PGAP2: variants seen among roughly 807,000 people sequenced by gnomAD.
PGAP2 encodes acyltransferase PGAP2.
A neutral mutation model predicts 33.2 loss-of-function variants in PGAP2; 21 were observed. That is an observed-to-expected ratio of 0.63 (90% confidence interval 0.45 to 0.91). The LOEUF (loss-of-function observed/expected upper bound fraction) is 0.91. Ranked by LOEUF, PGAP2 falls within the 40% of genes least tolerant of loss-of-function variation. The pLI, the probability that PGAP2 is intolerant of heterozygous loss-of-function variation, is 0.00. For synonymous variants in PGAP2, 161 were observed against 172.9 expected, an observed-to-expected ratio of 0.93 and a Z score of 0.54; for missense variants, 345 against 424.0, an observed-to-expected ratio of 0.81 and a Z score of 1.64.
intron 2 of PGAP2, among the ~76,000 whole-genome samples, chr11:3,816,026 C>A (rs1565019587): frequency 1.3e-5 from 2 of 152,210 alleles, no homozygotes; most frequent in African/African-American, 2.4e-5. Context: ...GAAGCTACTG[C>A]CAGCTGACCT....
rs772998600 is a variant in PGAP2 at position 3,817,506 on chromosome 11, T to C, written c.319T>C (p.Phe107Leu). The C allele has an allele frequency of 3.7e-6, 6 of 1,614,180 alleles. No individual in the cohort carries two copies. Among genetic ancestry groups the C allele is most frequent in the South Asian group, 1.1e-5 (1 of 91,086 alleles). Residue 107 changes from phenylalanine (F) to leucine (L), a missense_variant, in exon 3 of 7, where the codon TTT (phenylalanine) becomes CTT (leucine). Phe to Leu is a conservative substitution (Grantham distance 22, BLOSUM62 0). Transcript: ENST00000278243. ...CATCATCTGGTCCCTGGTGTTCCACTTTGAGTACACGGTGGCCACTGACTG... is the reference window on the plus strand; with the variant it reads ...CATCATCTGGTCCCTGGTGTTCCACCTTGAGTACACGGTGGCCACTGACTG... ...FCIIWSLVFH[F>L]EYTVATDCGV...
At chr11:3,814,812 CT>C in intron 2 of PGAP2, among the ~76,000 whole-genome samples, 1 of 97,506 alleles carries the variant, frequency 1.0e-5, no homozygotes, top group Admixed American at 1.1e-4. Flanking sequence ...TTCTTTCTTT[CT>C]CTTTCTTTCT....
At chr11:3,812,723 G>A (rs1397218315) in intron 2 of PGAP2, among the ~76,000 whole-genome samples, 1 of 152,228 alleles carries the variant, frequency 6.6e-6, no homozygotes, top group South Asian at 2.1e-4. Context: ...CTGCTTCAGA[G>A]AAATGGCTAG....
rs2083618008 is a variant in PGAP2 at position 3,802,634 on chromosome 11, G to A, written c.139+4652G>A. Among the ~76,000 whole-genome samples the A allele has an allele frequency of 2.0e-5, 3 of 152,120 alleles. No individual in the cohort carries two copies. In the South Asian group the frequency reaches 6.2e-4, roughly 31 times the overall value. ...GTGAAGGATTGGTGGTTAGGGAGGA[G>A]ACAGATCTGTAAGGACTGCAGAATT... On this transcript the variant is annotated intron_variant, in intron 1 of 6. Transcript: ENST00000300730.
chr11:3,824,786 C>A (rs1590434668), intron 5 of PGAP2: 6 of 1,430,460 alleles, frequency 4.2e-6, no homozygotes, highest in Non-Finnish European at 5.5e-6. Context: ...CATACTCCAT[C>A]CCCCTGAAGT....
exon 1 of PGAP2, chr11:3,797,881 G>A (rs1228880238): frequency 1.9e-6 from 3 of 1,550,082 alleles, no homozygotes; most frequent in African/African-American, 2.7e-5. Flanking sequence ...GTGTCGGGAA[G>A]GGTGGTGACG....
chr11:3,822,834 C>T (rs1373718568), intron 3 of PGAP2: 8 of 792,554 alleles, frequency 1.0e-5, no homozygotes, highest in Non-Finnish European at 1.6e-5. Flanking sequence ...TCAGTCATCC[C>T]CCATCCTTTC....
In PGAP2 at chr11:3,825,957, A is replaced by C. The variant is rs1363365339; in HGVS notation, c.*499A>C. ...GCTCAGGTGTTCTAGTCCTGACTTC[A>C]CCTTTTTGATTTGGTGTGTGCCCTA... is the stretch of plus-strand genomic sequence containing the variant. On this transcript the variant is annotated 3_prime_UTR_variant, in exon 7 of 7. Transcript: ENST00000278243. 6.3e-6 allele frequency: 1 copy of C among 158,832 alleles called. No individual in the cohort carries two copies. The highest frequency in any genetic ancestry group is 1.4e-5 in the Non-Finnish European group (1 of 71,498). 9.8% of individuals were successfully genotyped at this position (158,832 alleles called of 1,614,324 possible). A position where few individuals can be genotyped will look rare whatever the true frequency, so the allele number is the denominator to read the frequency against.
At chr11:3,824,767 T>A in intron 5 of PGAP2, 2 of 1,419,052 alleles carry the variant, frequency 1.4e-6, no homozygotes, top group South Asian at 3.1e-5. Flanking sequence ...GGTGACTCCA[T>A]GTAACTTTCA....
Position 3,825,049 on chromosome 11 carries a change from G to A in PGAP2, c.738G>A (p.Arg246=), listed in dbSNP as rs1398491129. 1 of 1,614,078 alleles carries A rather than the reference G, an allele frequency of 6.2e-7. No individual in the cohort carries two copies. The highest frequency in any genetic ancestry group is 8.5e-7 in the Non-Finnish European group (1 of 1,180,036). Residue 246 remains arginine (R), a synonymous_variant, in exon 6 of 7, where the codon CGG becomes CGA. Transcript: ENST00000278243. ...GCAAGTCCTACAGCTGGAAACAGCG[G>A]CTCTTCATCATCAACTTCATCTCCT... ...EDRKSYSWKQ[R]LFIINFISFF...
At chr11:3,801,295 C>T (rs569505026) in intron 1 of PGAP2, among the ~76,000 whole-genome samples, 3 of 152,116 alleles carry the variant, frequency 2.0e-5, no homozygotes, top group African/African-American at 7.2e-5. Context: ...AAGCACTTAG[C>T]ATAGTACCTG....
At chr11:3,801,007 G>T (rs1173942289) in intron 1 of PGAP2, among the ~76,000 whole-genome samples, 1 of 144,222 alleles carries the variant, frequency 6.9e-6, no homozygotes, top group African/African-American at 2.6e-5. Context: ...GGTGGCTCAT[G>T]CCTGTAATCC....
rs981670148 is a variant in PGAP2 at position 3,800,155 on chromosome 11, C to T, written c.139+2173C>T. ...CCCCAACTCCTCCATCCAAAACACCCCTACTTTACAACCACACTCCCTTGC... is the reference window on the plus strand; with the variant it reads ...CCCCAACTCCTCCATCCAAAACACCTCTACTTTACAACCACACTCCCTTGC... On this transcript the variant is annotated intron_variant, in intron 1 of 6. Transcript: ENST00000300730. Among the ~76,000 whole-genome samples, 7 of 152,304 alleles carry T rather than the reference C, an allele frequency of 4.6e-5. No individual in the cohort carries two copies. The South Asian group carries it at 8.3e-4, about 18-fold the overall frequency.
At chr11:3,817,861 T>A (rs763087593) in intron 3 of PGAP2, 1 of 506,666 alleles carries the variant, frequency 2.0e-6, no homozygotes, top group African/African-American at 1.9e-5. Context: ...CTGGGCAACA[T>A]GGTGAAACCC....
Position 3,825,722 on chromosome 11 carries a change from C to T in PGAP2, c.*264C>T. The T allele has an allele frequency of 5.1e-6, 1 of 197,750 alleles. No homozygotes were observed. The highest frequency in any genetic ancestry group is 9.8e-6 in the Non-Finnish European group (1 of 102,550). 12.2% of individuals were successfully genotyped at this position (197,750 alleles called of 1,614,324 possible). ...TGGCAGAGAGCTCCACCATTTGGTG[C>T]TAAAAAAAAAAACGTCCTGAGGTTC... On this transcript the variant is annotated 3_prime_UTR_variant, in exon 7 of 7. Transcript: ENST00000278243.
chr11:3,822,286 C>T (rs1238594436), intron 3 of PGAP2, among the ~76,000 whole-genome samples: 1 of 152,146 alleles, frequency 6.6e-6, no homozygotes, highest in Non-Finnish European at 1.5e-5. Context: ...ATGGCGTGAA[C>T]CCGGGAGGCG....
At chr11:3,800,743 C>T (rs1410195621) in intron 1 of PGAP2, among the ~76,000 whole-genome samples, 3 of 140,656 alleles carry the variant, frequency 2.1e-5, no homozygotes, top group Non-Finnish European at 3.0e-5. Flanking sequence ...ACCTGGGAGG[C>T]GGAGGTTGCA....
At chr11:3,808,121 C>A, upstream of PGAP2, 17 of 1,462,122 alleles carry the variant, frequency 1.2e-5, no homozygotes. Flanking sequence ...TCCCCAACCG[C>A]CCTGACGAGC....
chr11:3,809,077 T>C (rs1267369027), intron 1 of PGAP2, among the ~76,000 whole-genome samples: 1 of 152,116 alleles, frequency 6.6e-6, no homozygotes, highest in Non-Finnish European at 1.5e-5. Flanking sequence ...ACCTACCTCA[T>C]AGAATTATGG....
Sources: allele counts gnomAD v4.1 joint callset (sites outside exome capture counted in the v4.1 genomes callset), GRCh38; gene constraint gnomAD v4.1.1; transcripts MANE v1.5; gene names NCBI Gene and HGNC (gene_info 2026-07-23, HGNC 2026-07-21).